The following C4orf36 variants were observed in gnomAD, a reference collection of about 807,000 sequenced individuals.
The protein encoded by C4orf36 is chromosome 4 open reading frame 36.
In C4orf36, 11 loss-of-function variants were observed where a neutral mutation model predicts 12.2. The ratio of observed to expected loss-of-function variants is 0.90; its 90% CI spans 0.57 to 1.49. The LOEUF (loss-of-function observed/expected upper bound fraction) is 1.49. Ranked by LOEUF, C4orf36 falls within the 40% of genes most tolerant of loss-of-function variation. The probability of loss-of-function intolerance (pLI) is 0.00; values close to 1 mark genes in which losing one functional copy is unlikely to be tolerated. For missense variants in C4orf36, 137 were observed against 133.9 expected (o/e 1.02, Z -0.11); for synonymous variants, 54 against 51.3 (o/e 1.05, Z -0.22).
chr4:86,932,142 T>A, the C4orf36 span: 4 of 151,262 alleles, frequency 2.6e-5, no homozygotes, highest in Non-Finnish European at 5.9e-5. Context: ...AGGTCCGGAG[T>A]TCGAGACCAG....
the C4orf36 span, among the ~76,000 whole-genome samples, chr4:86,910,622 G>A: frequency 6.6e-6 from 1 of 152,260 alleles, no homozygotes; most frequent in African/African-American, 2.4e-5. Flanking sequence ...TCTAAGAAGT[G>A]TGAAGTTGAT....
the C4orf36 span, among the ~76,000 whole-genome samples, chr4:86,913,025 C>G: frequency 6.6e-6 from 1 of 150,852 alleles, no homozygotes; most frequent in African/African-American, 2.4e-5. Flanking sequence ...TAATAAACTG[C>G]TTAAAGAAGC....
intron 4 of C4orf36, chr4:86,876,697 T>C: frequency 1.2e-6 from 2 of 1,604,394 alleles, no homozygotes; most frequent in South Asian, 2.2e-5. Flanking sequence ...GGTGAAGCTA[T>C]GGGTGATCTT....
chr4:86,882,716 T>C (rs1352799760), intron 4 of C4orf36, among the ~76,000 whole-genome samples: 1 of 152,124 alleles, frequency 6.6e-6, no homozygotes, highest in African/African-American at 2.4e-5. Flanking sequence ...AGAGCCAAAC[T>C]CCACCTTATT....
upstream of C4orf36, among the ~76,000 whole-genome samples, chr4:86,894,054 G>C (rs1023679517): frequency 2.0e-5 from 3 of 151,872 alleles, no homozygotes; most frequent in East Asian, 3.9e-4. Context: ...CCGCCACCAC[G>C]CCCAGCTGAT....
At chr4:86,920,612 G>A in the C4orf36 span, among the ~76,000 whole-genome samples, 1 of 152,270 alleles carries the variant, frequency 6.6e-6, no homozygotes, top group East Asian at 1.9e-4. Context: ...TCTGGTGAGG[G>A]CCTTCTTGCT....
At chr4:86,901,408 ATTTATTT>A in the C4orf36 span, among the ~76,000 whole-genome samples, 1 of 150,748 alleles carries the variant, frequency 6.6e-6, no homozygotes, top group Non-Finnish European at 1.5e-5. Context: ...ATTTTTATTT[ATTTATTT>A]TTTATTTTTT....
At chr4:86,908,218 C>CACAT in the C4orf36 span, among the ~76,000 whole-genome samples, 3,364 of 148,638 alleles carry the variant, frequency 0.023, 110 homozygotes, top group East Asian at 0.07. Context: ...CACACACACA[C>CACAT]GTTGCTGGTG....
At chr4:86,878,807 G>A (rs942569869) in intron 4 of C4orf36, among the ~76,000 whole-genome samples, 1 of 152,224 alleles carries the variant, frequency 6.6e-6, no homozygotes, top group Non-Finnish European at 1.5e-5. Context: ...ACAAAGGCAA[G>A]CTCCACAGTT....
intron 4 of C4orf36, among the ~76,000 whole-genome samples, chr4:86,883,268 T>C (rs1327723784): frequency 4.6e-5 from 7 of 152,244 alleles, no homozygotes; most frequent in Non-Finnish European, 1.0e-4. Context: ...TCAGGGATTA[T>C]GATTTTTAAA....
intron 2 of C4orf36, among the ~76,000 whole-genome samples, chr4:86,889,131 T>A (rs1184235409): frequency 6.6e-6 from 1 of 151,828 alleles, no homozygotes; most frequent in African/African-American, 2.4e-5. Flanking sequence ...GGGTGGATCA[T>A]CTGAGGCCAG....
chr4:86,891,345 T>A, intron 2 of C4orf36, 111 bp downstream of exon 2: 2 of 770,520 alleles, frequency 2.6e-6, no homozygotes, highest in Non-Finnish European at 4.0e-6. Flanking sequence ...ATACTTCACA[T>A]AGCCCAGTAT....
chr4:86,887,847 C>A lies in C4orf36; in HGVS notation c.267G>T (p.Leu89=). Residue 89 remains leucine, a synonymous_variant, in exon 4 of 5, where the codon CTG becomes CTT. Coordinates refer to ENST00000295898, the MANE Select transcript of C4orf36 (RefSeq NM_144645.4). Reference sequence around the variant, plus strand: ...CCTTAGATGTATTTTCTTGACACTTCAGTTTACAAAGACGCTTCACTTCAT... The same window carrying A: ...CCTTAGATGTATTTTCTTGACACTTAAGTTTACAAAGACGCTTCACTTCAT... ...REYEVKRLCK[L]KCQENTSKEI... is the part of the protein sequence containing the mutation. The A allele has an allele frequency of 6.2e-7, 1 of 1,614,168 alleles. No homozygotes were observed. Among genetic ancestry groups the A allele is most frequent in the Non-Finnish European group, 8.5e-7 (1 of 1,180,014 alleles).
At chr4:86,906,777 C>A in the C4orf36 span, among the ~76,000 whole-genome samples, 4 of 143,150 alleles carry the variant, frequency 2.8e-5, no homozygotes, top group Non-Finnish European at 4.5e-5. Context: ...CGGTGCCTCA[C>A]ACCTGTAATC....
At chr4:86,914,931 C>A in the C4orf36 span, 2 of 248,190 alleles carry the variant, frequency 8.1e-6, no homozygotes, top group African/African-American at 4.8e-5. Flanking sequence ...CCACGGGGAC[C>A]GATGACTAAT....
the C4orf36 span, among the ~76,000 whole-genome samples, chr4:86,916,238 T>A: frequency 6.6e-6 from 1 of 152,090 alleles, no homozygotes; most frequent in Non-Finnish European, 1.5e-5. Flanking sequence ...AATAGGTATG[T>A]TGATGCACCT....
intron 2 of C4orf36, among the ~76,000 whole-genome samples, chr4:86,891,192 G>A (rs1747396159): frequency 6.6e-6 from 1 of 150,936 alleles, no homozygotes; most frequent in Non-Finnish European, 1.5e-5. Context: ...CTTACTACAG[G>A]ACTGTGACTT....
chr4:86,914,252 A>AT, the C4orf36 span: 6 of 1,602,404 alleles, frequency 3.7e-6, no homozygotes, highest in Admixed American at 1.0e-4. Context: ...CATCTTTCTG[A>AT]CTCCAGACAT....
At chr4:86,928,423 C>T in the C4orf36 span, among the ~76,000 whole-genome samples, 1 of 152,314 alleles carries the variant, frequency 6.6e-6, no homozygotes, top group African/African-American at 2.4e-5. Flanking sequence ...CTTCTATCTC[C>T]TCCCAGTGCC....
Sources: allele counts gnomAD v4.1 joint callset (sites outside exome capture counted in the v4.1 genomes callset), GRCh38; gene constraint gnomAD v4.1.1; transcripts MANE v1.5; gene names NCBI Gene and HGNC (gene_info 2026-07-23, HGNC 2026-07-21).